The following LSAMP variants were observed in gnomAD, a reference collection of about 807,000 sequenced individuals.
LSAMP encodes the protein limbic system associated membrane protein, also known as limbic system-associated membrane protein.
LSAMP carries 7 observed loss-of-function variants against 38.6 expected under a neutral mutation model. The ratio of observed to expected loss-of-function variants is 0.18; its 90% CI spans 0.10 to 0.34. The LOEUF (loss-of-function observed/expected upper bound fraction) is 0.34. LSAMP is among the 10% of genes least tolerant of loss of function. The probability of loss-of-function intolerance (pLI) is 1.00; values close to 1 mark genes in which losing one functional copy is unlikely to be tolerated. For missense variants in LSAMP, 313 were observed against 420.0 expected (o/e 0.75, Z 2.23); for synonymous variants, 154 against 166.8 (o/e 0.92, Z 0.59).
intron 1 of LSAMP, among the ~76,000 whole-genome samples, chr3:116,248,476 AATGTGTGT>A (rs2046631361): frequency 9.7e-6 from 1 of 102,804 alleles, no homozygotes. Flanking sequence ...CCCTGTCTCT[AATGTGTGT>A]GTGTGTGTGT....
At chr3:116,341,383 TCTC>T (rs895894304) in intron 1 of LSAMP, among the ~76,000 whole-genome samples, 1 of 151,964 alleles carries the variant, frequency 6.6e-6, no homozygotes. Flanking sequence ...ATTTTAATGA[TCTC>T]CTAGATAAGG....
In LSAMP at chr3:116,164,621, T is replaced by A. The variant is rs1269738542; in HGVS notation, c.156-78065A>T. The stretch of plus-strand genomic sequence containing the variant: ...ATCCAAATATATATATATATATATA[T>A]AATCCAAATATATATATATATATAA... On this transcript the variant is annotated intron_variant, in intron 1 of 6. Transcript: ENST00000490035. Among the ~76,000 whole-genome samples, 17 of 120,458 alleles carry A rather than the reference T, an allele frequency of 1.4e-4. 1 individual carries two copies. Among genetic ancestry groups the A allele is most frequent in the African/African-American group, 5.1e-4 (16 of 31,278 alleles). 79.0% of individuals were successfully genotyped at this position (120,458 alleles called of 152,430 possible).
At chr3:116,156,235 T>C (rs954184232) in intron 1 of LSAMP, among the ~76,000 whole-genome samples, 5 of 152,260 alleles carry the variant, frequency 3.3e-5, no homozygotes, top group East Asian at 1.9e-4. Flanking sequence ...GACTGACTTA[T>C]ATTAGAATTG....
intron 1 of LSAMP, among the ~76,000 whole-genome samples, chr3:116,326,003 A>C (rs2047766108): frequency 6.6e-6 from 1 of 152,190 alleles, no homozygotes; most frequent in South Asian, 2.1e-4. Flanking sequence ...GATGATCAAA[A>C]GCTGAATAAT....
In LSAMP at chr3:116,432,105, C is replaced by T. The variant is rs144696519; in HGVS notation, c.155+12772G>A. 1.8e-3 allele frequency among the ~76,000 whole-genome samples: 268 copies of T among 151,886 alleles called. 1 individual carries two copies. The highest frequency in any genetic ancestry group is 5.9e-3 in the African/African-American group (245 of 41,518). ...TAAAACATACTAATCAAAAAAATTA[C>T]GGTAGCCATTGTGTGATGCCTCTTA... On this transcript the variant is annotated intron_variant, in intron 1 of 6. Transcript: ENST00000490035.
intron 1 of LSAMP, among the ~76,000 whole-genome samples, chr3:116,211,496 A>G (rs2046156087): frequency 6.6e-6 from 1 of 152,230 alleles, no homozygotes; most frequent in Non-Finnish European, 1.5e-5. Flanking sequence ...TTGATAAATA[A>G]TAAAGCAATA....
intron 1 of LSAMP, among the ~76,000 whole-genome samples, chr3:116,428,734 T>G (rs2049238672): frequency 6.6e-6 from 1 of 152,180 alleles, no homozygotes; most frequent in Non-Finnish European, 1.5e-5. Flanking sequence ...GAAACTGTAC[T>G]TTATTTTCAA....
intron 6 of LSAMP, among the ~76,000 whole-genome samples, chr3:115,827,765 A>C (rs111331600): frequency 0.017 from 2,634 of 152,034 alleles, 77 homozygotes; most frequent in African/African-American, 0.058. Flanking sequence ...TAGTCTGCCT[A>C]CTCCCATCAT....
intron 1 of LSAMP, among the ~76,000 whole-genome samples, chr3:116,133,036 G>A (rs1258243436): frequency 3.9e-5 from 6 of 152,206 alleles, no homozygotes; most frequent in South Asian, 2.1e-4. Context: ...TTTGTGACAC[G>A]GCCAAGCCTC....
intron 1 of LSAMP, among the ~76,000 whole-genome samples, chr3:116,206,783 C>T (rs997019027): frequency 5.3e-5 from 8 of 151,188 alleles, no homozygotes; most frequent in Admixed American, 1.3e-4. Context: ...TTGTTATAAT[C>T]TCTGTTCTTT....
intron 1 of LSAMP, among the ~76,000 whole-genome samples, chr3:116,193,610 G>A (rs1374644195): frequency 6.6e-6 from 1 of 152,134 alleles, no homozygotes; most frequent in Admixed American, 6.5e-5. Context: ...CATTGTGCTA[G>A]ACAATGACTG....
intron 3 of LSAMP, among the ~76,000 whole-genome samples, chr3:116,013,370 T>G (rs1448942848): frequency 6.6e-6 from 1 of 152,236 alleles, no homozygotes; most frequent in East Asian, 1.9e-4. Context: ...AATGATCCAT[T>G]TGTTTCAATA....
At chr3:116,203,899 C>A (rs1205984392) in intron 1 of LSAMP, among the ~76,000 whole-genome samples, 1 of 152,138 alleles carries the variant, frequency 6.6e-6, no homozygotes, top group African/African-American at 2.4e-5. Context: ...GATTTAGACT[C>A]CCTTGGGTAT....
At chr3:115,862,609 C>G (rs1308879389) in intron 3 of LSAMP, among the ~76,000 whole-genome samples, 3 of 152,138 alleles carry the variant, frequency 2.0e-5, no homozygotes, top group Non-Finnish European at 4.4e-5. Context: ...GGAGTGGGAG[C>G]AGGGCAGAAG....
At chr3:116,060,881 T>TA (rs1941582457) in intron 2 of LSAMP, among the ~76,000 whole-genome samples, 2 of 151,188 alleles carry the variant, frequency 1.3e-5, no homozygotes, top group South Asian at 4.2e-4. Context: ...GATACTCAAA[T>TA]AAAAAATAAA....
At chr3:115,912,949 T>C (rs1415962650) in intron 3 of LSAMP, among the ~76,000 whole-genome samples, 1 of 152,154 alleles carries the variant, frequency 6.6e-6, no homozygotes, top group African/African-American at 2.4e-5. Flanking sequence ...TTCAGAATCT[T>C]TTTGGGTTTG....
chr3:116,204,236 T>G (rs2046031803), intron 1 of LSAMP, among the ~76,000 whole-genome samples: 1 of 150,992 alleles, frequency 6.6e-6, no homozygotes, highest in South Asian at 2.1e-4. Context: ...TCGCCCACTT[T>G]TTGATGGGGT....
At chr3:115,816,896 A>T (rs556058346) in intron 6 of LSAMP, among the ~76,000 whole-genome samples, 1 of 152,350 alleles carries the variant, frequency 6.6e-6, no homozygotes, top group African/African-American at 2.4e-5. Context: ...ACCTGATGCT[A>T]CATTGTATGC....
intron 1 of LSAMP, among the ~76,000 whole-genome samples, chr3:116,332,769 C>A (rs1294415838): frequency 2.0e-5 from 3 of 151,838 alleles, no homozygotes; most frequent in Non-Finnish European, 2.9e-5. Context: ...TTCAAAGACA[C>A]AAATAGGTTG....
Sources: gnomAD v4.1 joint callset for allele counts (sites outside exome capture counted in the v4.1 genomes callset) on GRCh38, gnomAD v4.1.1 for gene constraint, MANE v1.5 for transcripts, NCBI Gene and HGNC (gene_info 2026-07-23, HGNC 2026-07-21) for gene names.